The following VPS13B variants were observed in gnomAD, a reference collection of about 807,000 sequenced individuals.
The protein encoded by VPS13B is vacuolar protein sorting 13 homolog B, also known as intermembrane lipid transfer protein VPS13B.
VPS13B carries 285 observed loss-of-function variants against 426.4 expected under a neutral mutation model. That is an observed-to-expected ratio of 0.67 (90% CI 0.61 to 0.74). The LOEUF (loss-of-function observed/expected upper bound fraction) is 0.74, where lower values mean the gene tolerates loss of function less well. Ranked by LOEUF, VPS13B falls within the 30% of genes least tolerant of loss-of-function variation. The probability of loss-of-function intolerance (pLI) is 0.00; values close to 1 mark genes in which losing one functional copy is unlikely to be tolerated. For missense variants in VPS13B, 4,537 were observed against 4,782.6 expected, an observed-to-expected ratio of 0.95 and a Z score of 1.51; for synonymous variants, 1,676 against 1,676.4, an observed-to-expected ratio of 1.00 and a Z score of 0.01.
At chr8:99,812,614 C>A (rs866358434) in intron 44 of VPS13B, among the ~76,000 whole-genome samples, 9 of 152,266 alleles carry the variant, frequency 5.9e-5, no homozygotes, top group Middle Eastern at 3.4e-3. Flanking sequence ...TGAAAATTGA[C>A]CACAGAAAAT....
Position 99,160,460 on chromosome 8 carries a change from A to C in VPS13B, c.2208+3717A>C, listed in dbSNP as rs1811586186. ...GATCACTTGAGCCCAGGAGGTCGAG[A>C]CCCCCCTGAGCAAAGTGGTGAAACC... On this transcript the variant is annotated intron_variant, in intron 15 of 61. Coordinates refer to ENST00000357162, the MANE Select transcript of VPS13B (RefSeq NM_152564.5). Among the ~76,000 whole-genome samples, 16 of 151,568 alleles carry C rather than the reference A, an allele frequency of 1.1e-4. No individual in the cohort carries two copies. The South Asian group carries it at 3.3e-3, about 32-fold the overall frequency.
intron 21 of VPS13B, among the ~76,000 whole-genome samples, chr8:99,405,616 G>A (rs543875823): frequency 3.3e-5 from 5 of 151,944 alleles, no homozygotes; most frequent in African/African-American, 7.3e-5. Context: ...CTGCTTAATC[G>A]CAGTAGTTGC....
intron 20 of VPS13B, among the ~76,000 whole-genome samples, chr8:99,390,566 G>C (rs1405166548): frequency 6.6e-6 from 1 of 152,002 alleles, no homozygotes; most frequent in Non-Finnish European, 1.5e-5. Context: ...AGTATTTTAA[G>C]TTGGGTGAGG....
At chr8:99,175,200 G>A (rs1812562883) in intron 16 of VPS13B, among the ~76,000 whole-genome samples, 1 of 152,112 alleles carries the variant, frequency 6.6e-6, no homozygotes, top group Non-Finnish European at 1.5e-5. Context: ...TGATGATTCA[G>A]GACTTAATGC....
intron 22 of VPS13B, among the ~76,000 whole-genome samples, chr8:99,431,920 C>G (rs1563727224): frequency 2.0e-5 from 3 of 151,916 alleles, no homozygotes; most frequent in Admixed American, 2.0e-4. Flanking sequence ...TTAGTTCATT[C>G]TACTTTTTGT....
chr8:99,721,246 T>G (rs1833118552), intron 39 of VPS13B, among the ~76,000 whole-genome samples, 199 bp downstream of exon 39: 2 of 152,180 alleles, frequency 1.3e-5, no homozygotes, highest in African/African-American at 2.4e-5. Flanking sequence ...TAATCCAAAT[T>G]CATGATACAT....
At chr8:99,084,649 T>C (rs1374074671) in intron 3 of VPS13B, among the ~76,000 whole-genome samples, 1 of 152,200 alleles carries the variant, frequency 6.6e-6, no homozygotes, top group Non-Finnish European at 1.5e-5. Flanking sequence ...TTCTGGTATG[T>C]TGTGTCTTTG....
At chr8:99,724,596 G>A (rs1833258139) in intron 39 of VPS13B, among the ~76,000 whole-genome samples, 1 of 151,914 alleles carries the variant, frequency 6.6e-6, no homozygotes, top group Non-Finnish European at 1.5e-5. Context: ...TGGAGTTGAT[G>A]TTATCTACCT....
intron 31 of VPS13B, among the ~76,000 whole-genome samples, chr8:99,564,964 T>C (rs1030206233): frequency 2.0e-5 from 3 of 152,254 alleles, no homozygotes; most frequent in Non-Finnish European, 4.4e-5. Context: ...CATCTGGGTT[T>C]ATTTTATAAT....
At chr8:99,065,541 C>A (rs1056559894) in intron 3 of VPS13B, among the ~76,000 whole-genome samples, 2 of 152,148 alleles carry the variant, frequency 1.3e-5, no homozygotes, top group African/African-American at 2.4e-5. Flanking sequence ...AACCCACAGC[C>A]AATATCATAC....
chr8:99,539,702 C>G (rs990354839), intron 30 of VPS13B, among the ~76,000 whole-genome samples: 1 of 151,942 alleles, frequency 6.6e-6, no homozygotes, highest in Non-Finnish European at 1.5e-5. Context: ...CATGCCACTG[C>G]ACTCCAATCT....
intron 35 of VPS13B, among the ~76,000 whole-genome samples, chr8:99,665,672 G>A (rs1267510068): frequency 1.3e-5 from 2 of 152,066 alleles, no homozygotes; most frequent in Non-Finnish European, 2.9e-5. Flanking sequence ...TGTTCCATTG[G>A]TCTATAGCTC....
intron 39 of VPS13B, among the ~76,000 whole-genome samples, chr8:99,736,038 A>G (rs755902168): frequency 6.6e-6 from 1 of 152,226 alleles, no homozygotes; most frequent in Non-Finnish European, 1.5e-5. Context: ...GCAGTAGAGT[A>G]ATGGTAAAAA....
At chr8:99,711,549 G>C (rs1832711002) in intron 36 of VPS13B, among the ~76,000 whole-genome samples, 1 of 152,014 alleles carries the variant, frequency 6.6e-6, no homozygotes, top group African/African-American at 2.4e-5. Flanking sequence ...CTAAAGCAAG[G>C]GGTAGGCTTG....
intron 36 of VPS13B, among the ~76,000 whole-genome samples, chr8:99,709,302 G>A (rs568035994): frequency 6.6e-6 from 1 of 152,226 alleles, no homozygotes; most frequent in East Asian, 1.9e-4. Flanking sequence ...ATTGCATTTT[G>A]CTTAGTCAGC....
At chr8:99,373,750 G>A (rs924738046) in intron 19 of VPS13B, among the ~76,000 whole-genome samples, 1 of 152,102 alleles carries the variant, frequency 6.6e-6, no homozygotes, top group Non-Finnish European at 1.5e-5. Context: ...CCTGAGATGG[G>A]AGGATCACTT....
chr8:99,674,754 G>A, intron 35 of VPS13B, among the ~76,000 whole-genome samples: 1 of 151,622 alleles, frequency 6.6e-6, no homozygotes, highest in African/African-American at 2.4e-5. Flanking sequence ...GTTATCATGA[G>A]GCATATCAAA....
chr8:99,234,269 A>G, intron 17 of VPS13B: 1 of 767,712 alleles, frequency 1.3e-6, no homozygotes, highest in East Asian at 2.4e-5. Flanking sequence ...TGTGACATTG[A>G]CAACAGCAGT....
At chr8:99,177,892 G>A (rs1812721542) in intron 16 of VPS13B, among the ~76,000 whole-genome samples, 2 of 152,130 alleles carry the variant, frequency 1.3e-5, no homozygotes, top group Admixed American at 6.5e-5. Context: ...ACAGCAGTGG[G>A]AAAATATTAT....
Sources: gnomAD v4.1 joint callset for allele counts (sites outside exome capture counted in the v4.1 genomes callset) on GRCh38, gnomAD v4.1.1 for gene constraint, MANE v1.5 for transcripts, NCBI Gene and HGNC (gene_info 2026-07-23, HGNC 2026-07-21) for gene names.